UNC13B: variants seen among roughly 807,000 people sequenced by gnomAD.
UNC13B encodes unc-13 homolog B.
Under a neutral mutation model 211.0 loss-of-function variants are expected in UNC13B, and 144 were observed. That is an observed-to-expected ratio of 0.68 (90% confidence interval 0.60 to 0.78). The LOEUF (loss-of-function observed/expected upper bound fraction) is 0.78. Among genes scored for constraint, UNC13B ranks in the 30% least tolerant of loss-of-function variants. The probability of loss-of-function intolerance (pLI) is 0.00; values close to 1 mark genes in which losing one functional copy is unlikely to be tolerated. For missense variants in UNC13B, 1,777 were observed against 2,002.0 expected (o/e 0.89, Z 2.14); for synonymous variants, 709 against 725.8 (o/e 0.98, Z 0.37).
chr9:35,243,487 G>A (rs2131557639), intron 6 of UNC13B, 123 bp downstream of exon 6: 1 of 970,980 alleles, frequency 1.0e-6, no homozygotes, highest in Non-Finnish European at 1.6e-6. Flanking sequence ...AAATTGCATT[G>A]AAGAAAAAAG....
chr9:35,218,596 C>T (rs1012753787), intron 1 of UNC13B, among the ~76,000 whole-genome samples: 2 of 151,696 alleles, frequency 1.3e-5, no homozygotes, highest in South Asian at 2.1e-4. Flanking sequence ...AGAGCCTCAC[C>T]GTGTTTCCCA....
At chr9:35,268,705 C>G (rs1827712034) in intron 7 of UNC13B, among the ~76,000 whole-genome samples, 1 of 152,094 alleles carries the variant, frequency 6.6e-6, no homozygotes, top group Non-Finnish European at 1.5e-5. Flanking sequence ...CAATTTGTCC[C>G]TTTATTTGTG....
In UNC13B at chr9:35,376,080, G is replaced by A; in HGVS notation, c.9668G>A (p.Cys3223Tyr). Reference sequence around the variant, plus strand: ...CAGGCCTTAATCTACCCCATTTCGTGCACCACTCCTCATAACTTTGAGGTC... The same window carrying A: ...CAGGCCTTAATCTACCCCATTTCGTACACCACTCCTCATAACTTTGAGGTC... ...TLQALIYPIS[C>Y]TTPHNFEVWT... is the part of the protein sequence containing the mutation. The change falls in exon 15 of 40, where the codon TGC becomes TAC. Residue 3223 changes from cysteine (C) to tyrosine (Y), a missense_variant. Cys to Tyr is a radical substitution (Grantham distance 194, BLOSUM62 -2). Coordinates refer to ENST00000635942, the MANE Select transcript of UNC13B (RefSeq NM_001371189.2). 6.2e-7 allele frequency: 1 copy of A among 1,614,238 alleles called. No individual in the cohort carries two copies. Among genetic ancestry groups the A allele is most frequent in the Non-Finnish European group, 8.5e-7 (1 of 1,180,042 alleles).
chr9:35,285,273 T>C (rs978548942), intron 7 of UNC13B, among the ~76,000 whole-genome samples: 4 of 152,212 alleles, frequency 2.6e-5, no homozygotes, highest in African/African-American at 4.8e-5. Flanking sequence ...CTTTTTCATA[T>C]AGGAAATTCT....
intron 26 of UNC13B, among the ~76,000 whole-genome samples, chr9:35,395,352 G>A (rs767745069): frequency 2.0e-5 from 3 of 152,212 alleles, no homozygotes; most frequent in Non-Finnish European, 4.4e-5. Flanking sequence ...GCTGCCTGCA[G>A]TGCCAGGGAA....
intron 1 of UNC13B, among the ~76,000 whole-genome samples, chr9:35,195,799 G>T (rs1822901054): frequency 6.6e-6 from 1 of 151,952 alleles, no homozygotes; most frequent in Non-Finnish European, 1.5e-5. Context: ...TGTTAGAGTT[G>T]TTTTTTTTCC....
intron 1 of UNC13B, among the ~76,000 whole-genome samples, chr9:35,168,693 G>C (rs930930041): frequency 7.0e-6 from 1 of 143,746 alleles, no homozygotes. Flanking sequence ...ATATGAACAT[G>C]TATTACTTGC....
chr9:35,180,538 G>A (rs372060509), intron 1 of UNC13B, among the ~76,000 whole-genome samples: 47 of 151,814 alleles, frequency 3.1e-4, no homozygotes, highest in African/African-American at 9.2e-4. Flanking sequence ...TATTTCAGTC[G>A]GTGTGAATTT....
intron 11 of UNC13B, chr9:35,352,064 T>C: frequency 8.1e-7 from 1 of 1,232,172 alleles, no homozygotes; most frequent in East Asian, 3.2e-5. Context: ...AGTCTCTAGC[T>C]GTGTAGACTC....
Position 35,301,500 on chromosome 9 carries a change from T to C in UNC13B, c.2096T>C (p.Leu699Pro). The C allele has an allele frequency of 2.5e-6, 1 of 398,818 alleles. No homozygotes were observed. The highest frequency in any genetic ancestry group is 4.4e-6 in the Non-Finnish European group (1 of 225,922). The allele number at this position is 398,818 out of a possible 1,614,324, so 24.7% of individuals were successfully genotyped here. A position where few individuals can be genotyped will look rare whatever the true frequency, so the allele number is the denominator to read the frequency against. The stretch of plus-strand genomic sequence containing the variant: ...GAGTTAAATAAAAGGGAAGGCACTC[T>C]TGACAATTACAGTAGTAGCATCATT... ...GLELNKREGTLDNYSSSIIAL... is the reference protein window; with the variant it reads ...GLELNKREGTPDNYSSSIIAL... The change falls in exon 9 of 40, where the codon CTT becomes CCT. Residue 699 changes from leucine (L) to proline (P), a missense_variant. Coordinates refer to ENST00000635942, the MANE Select transcript of UNC13B (RefSeq NM_001371189.2).
chr9:35,257,395 A>C (rs7854205), intron 6 of UNC13B, among the ~76,000 whole-genome samples: 1 of 141,760 alleles, frequency 7.1e-6, no homozygotes, highest in African/African-American at 2.6e-5. Flanking sequence ...AATATTTATA[A>C]AAATATTTAT....
intron 11 of UNC13B, 132 bp downstream of exon 11, chr9:35,314,121 C>G (rs928629552): frequency 2.6e-6 from 2 of 760,312 alleles, no homozygotes; most frequent in African/African-American, 3.4e-5. Flanking sequence ...ACAATTAAGC[C>G]AGAGCTTTAA....
intron 11 of UNC13B, among the ~76,000 whole-genome samples, chr9:35,338,240 G>A (rs1322461631): frequency 6.6e-6 from 1 of 152,194 alleles, no homozygotes. Context: ...TAGCTGGCCA[G>A]TTCCAAGAAG....
intron 1 of UNC13B, among the ~76,000 whole-genome samples, chr9:35,208,147 T>C (rs1239284498): frequency 6.6e-6 from 1 of 152,178 alleles, no homozygotes; most frequent in Non-Finnish European, 1.5e-5. Flanking sequence ...AAACTCCCCT[T>C]TCTGGAACGA....
At chr9:35,374,533 G>A (rs1834269534) in intron 13 of UNC13B, among the ~76,000 whole-genome samples, 1 of 151,974 alleles carries the variant, frequency 6.6e-6, no homozygotes, top group East Asian at 1.9e-4. Flanking sequence ...AGTGTGGCTA[G>A]CAAGGCAGCC....
chr9:35,206,674 G>A (rs1374732044), intron 1 of UNC13B, among the ~76,000 whole-genome samples: 1 of 152,080 alleles, frequency 6.6e-6, no homozygotes, highest in East Asian at 1.9e-4. Context: ...AAGAGATCGA[G>A]ACCATCCTGG....
In UNC13B at chr9:35,310,430, A is replaced by T. The variant is rs748159409; in HGVS notation, c.9009-37A>T. 5 of 1,596,746 alleles carry T rather than the reference A, an allele frequency of 3.1e-6. No homozygotes were observed. The South Asian group carries it at 5.6e-5, about 18-fold the overall frequency. ...TTCTTTTGTCCTGGTCCCTGATTGC[A>T]TTTATTTACTTATCTGTCTTTCTGT... On this transcript the variant is annotated intron_variant, in intron 9 of 39. Coordinates refer to ENST00000635942, the MANE Select transcript of UNC13B (RefSeq NM_001371189.2).
chr9:35,252,923 CTG>C (rs1457963760), intron 6 of UNC13B, among the ~76,000 whole-genome samples: 1 of 149,998 alleles, frequency 6.7e-6, no homozygotes, highest in African/African-American at 2.4e-5. Flanking sequence ...GAGCGAGACT[CTG>C]TCTCAAAAGA....
chr9:35,311,129 C>T (rs1830163396), intron 10 of UNC13B, among the ~76,000 whole-genome samples: 1 of 152,170 alleles, frequency 6.6e-6, no homozygotes, highest in South Asian at 2.1e-4. Context: ...GTGTGCACCA[C>T]CACACCTGGC....
Sources: allele counts gnomAD v4.1 joint callset (sites outside exome capture counted in the v4.1 genomes callset), GRCh38; gene constraint gnomAD v4.1.1; transcripts MANE v1.5; gene names NCBI Gene and HGNC (gene_info 2026-07-23, HGNC 2026-07-21).